The following SGCZ variants were observed in gnomAD, a reference collection of about 807,000 sequenced individuals.
SGCZ encodes zeta-sarcoglycan.
Under a neutral mutation model 41.3 loss-of-function variants are expected in SGCZ, and 40 were observed. That is an observed-to-expected ratio of 0.97 (90% CI 0.75 to 1.26). SGCZ has a LOEUF of 1.26. Ranked by LOEUF, SGCZ falls within the 50% of genes most tolerant of loss-of-function variation. The pLI, the probability that SGCZ is intolerant of heterozygous loss-of-function variation, is 0.00. For synonymous variants in SGCZ, 206 were observed against 137.5 expected (o/e 1.50, Z -3.49); for missense variants, 552 against 369.8 (o/e 1.49, Z -4.04).
chr8:14,562,987 T>G (rs559071443), intron 1 of SGCZ, among the ~76,000 whole-genome samples: 1 of 152,254 alleles, frequency 6.6e-6, no homozygotes, highest in East Asian at 1.9e-4. Flanking sequence ...CAGGTAATAA[T>G]TATTATAATC....
At chr8:14,096,228 T>C (rs746083339) in intron 7 of SGCZ, among the ~76,000 whole-genome samples, 1 of 152,148 alleles carries the variant, frequency 6.6e-6, no homozygotes, top group Non-Finnish European at 1.5e-5. Context: ...CTTATGACAT[T>C]TGCTGTGGGT....
chr8:14,416,304 G>C (rs1345825630), intron 2 of SGCZ, among the ~76,000 whole-genome samples: 1 of 151,918 alleles, frequency 6.6e-6, no homozygotes, highest in African/African-American at 2.4e-5. Context: ...CCGAGCAGCT[G>C]TTGTCCTGTA....
Position 14,309,566 on chromosome 8 carries a change from T to C in SGCZ, c.336+14537A>G. On this transcript the variant is annotated intron_variant, in intron 3 of 7. Transcript: ENST00000382080. ...AGCTGTTACACATACAGGGACGGTA[T>C]AACAAGGAAAGGTTAGGACTTCATC... is the stretch of plus-strand genomic sequence containing the variant. The C allele has an allele frequency of 1.9e-6, 3 of 1,610,720 alleles. No individual in the cohort carries two copies. The Admixed American group carries it at 5.0e-5, about 27-fold the overall frequency.
intron 2 of SGCZ, among the ~76,000 whole-genome samples, chr8:14,396,069 A>G (rs1199967455): frequency 3.9e-5 from 6 of 152,132 alleles, no homozygotes; most frequent in African/African-American, 1.2e-4. Context: ...AGACCAAGGT[A>G]TGGGTACCAT....
At chr8:14,412,685 A>G (rs1184041678) in intron 2 of SGCZ, among the ~76,000 whole-genome samples, 4 of 152,028 alleles carry the variant, frequency 2.6e-5, no homozygotes, top group Non-Finnish European at 5.9e-5. Context: ...ACAACCAACC[A>G]TGGTGGAAAT....
chr8:14,895,063 T>C (rs183438951), intron 1 of SGCZ, among the ~76,000 whole-genome samples: 1 of 152,336 alleles, frequency 6.6e-6, no homozygotes, highest in East Asian at 1.9e-4. Context: ...ATAACATGAA[T>C]GATCTATAAT....
intron 5 of SGCZ, among the ~76,000 whole-genome samples, chr8:14,115,546 G>C (rs551817682): frequency 1.3e-5 from 2 of 151,962 alleles, no homozygotes; most frequent in South Asian, 2.1e-4. Context: ...AGCTTTCAAC[G>C]TACTTAATCC....
chr8:14,216,873 G>A (rs992144380), intron 4 of SGCZ, among the ~76,000 whole-genome samples: 1 of 152,166 alleles, frequency 6.6e-6, no homozygotes, highest in Non-Finnish European at 1.5e-5. Context: ...GCAAAATAAG[G>A]CAAGGAAAAG....
intron 1 of SGCZ, among the ~76,000 whole-genome samples, chr8:14,627,731 C>A (rs1806510373): frequency 6.7e-6 from 1 of 148,422 alleles, no homozygotes; most frequent in Non-Finnish European, 1.5e-5. Flanking sequence ...AAAACATATT[C>A]AGTCTCAATG....
At chr8:15,171,498 C>T (rs1431075182) in intron 1 of SGCZ, among the ~76,000 whole-genome samples, 7 of 152,256 alleles carry the variant, frequency 4.6e-5, no homozygotes, top group East Asian at 1.9e-4. Flanking sequence ...CTTCAGAGTC[C>T]CTGTGCTCTG....
At chr8:15,172,159 T>TTTTTTATTTATTTATTTA (rs1233799056) in intron 1 of SGCZ, among the ~76,000 whole-genome samples, 3 of 96,996 alleles carry the variant, frequency 3.1e-5, no homozygotes, top group Non-Finnish European at 6.8e-5. Context: ...ACTCTGTTTT[T>TTTTTTATTTATTTATTTA]TTTTTTTTTT....
At chr8:14,437,849 G>C (rs562773053) in intron 2 of SGCZ, among the ~76,000 whole-genome samples, 36 of 151,602 alleles carry the variant, frequency 2.4e-4, no homozygotes, top group African/African-American at 8.2e-4. Flanking sequence ...ATAAGGATTT[G>C]TGGCTTTTGT....
intron 3 of SGCZ, among the ~76,000 whole-genome samples, chr8:14,262,346 A>G (rs1799704409): frequency 1.3e-5 from 2 of 152,170 alleles, no homozygotes; most frequent in African/African-American, 2.4e-5. Context: ...ATTCTGTACA[A>G]TAGCACTTTC....
chr8:14,839,837 T>C (rs1029562524), intron 1 of SGCZ, among the ~76,000 whole-genome samples: 4 of 152,210 alleles, frequency 2.6e-5, no homozygotes, highest in Non-Finnish European at 5.9e-5. Flanking sequence ...TAGCCTGTCT[T>C]ATTTACTTTC....
chr8:15,060,478 T>C (rs553971758), intron 1 of SGCZ, among the ~76,000 whole-genome samples: 169 of 125,238 alleles, frequency 1.3e-3, no homozygotes, highest in African/African-American at 4.8e-3. Flanking sequence ...ATGAGAACAC[T>C]TGGACATAGG....
chr8:14,336,479 G>C (rs1207552700), intron 2 of SGCZ, among the ~76,000 whole-genome samples: 3 of 152,108 alleles, frequency 2.0e-5, no homozygotes, highest in Admixed American at 2.0e-4. Flanking sequence ...TAGATCTAAT[G>C]ACAGTCCTGT....
intron 1 of SGCZ, among the ~76,000 whole-genome samples, chr8:14,911,384 T>A (rs1799275425): frequency 6.6e-6 from 1 of 151,966 alleles, no homozygotes; most frequent in Non-Finnish European, 1.5e-5. Context: ...AAAGACAGCA[T>A]CAAAAGAAAT....
At chr8:14,432,690 G>A (rs186274792) in intron 2 of SGCZ, among the ~76,000 whole-genome samples, 146 of 152,152 alleles carry the variant, frequency 9.6e-4, no homozygotes, top group African/African-American at 3.3e-3. Context: ...GAGGCGGGCC[G>A]ATCACCTGAG....
At chr8:14,322,179 G>C (rs950108410) in intron 3 of SGCZ, among the ~76,000 whole-genome samples, 5 of 152,120 alleles carry the variant, frequency 3.3e-5, no homozygotes, top group African/African-American at 1.2e-4. Context: ...AGAAGTGTAT[G>C]AGTCCACTCC....
Sources: allele counts gnomAD v4.1 joint callset (sites outside exome capture counted in the v4.1 genomes callset), GRCh38; gene constraint gnomAD v4.1.1; transcripts MANE v1.5; gene names NCBI Gene and HGNC (gene_info 2026-07-23, HGNC 2026-07-21).